The following NR3C2 variants were observed in gnomAD, a reference collection of about 807,000 sequenced individuals.
NR3C2 encodes mineralocorticoid receptor.
Under a neutral mutation model 86.4 loss-of-function variants are expected in NR3C2, and 15 were observed. That is an observed-to-expected ratio of 0.17 (90% CI 0.12 to 0.27). The LOEUF is 0.27. Ranked by LOEUF, NR3C2 falls within the 10% of genes least tolerant of loss-of-function variation. NR3C2 has a pLI of 1.00. For synonymous variants in NR3C2, 458 were observed against 450.5 expected (o/e 1.02, Z -0.21); for missense variants, 960 against 1,195.6 (o/e 0.80, Z 2.91).
At chr4:148,156,015 G>C (rs1172041093) in intron 4 of NR3C2, among the ~76,000 whole-genome samples, 1 of 152,092 alleles carries the variant, frequency 6.6e-6, no homozygotes, top group African/African-American at 2.4e-5. Flanking sequence ...ATGGGGAAAG[G>C]ATTCCCTATT....
chr4:148,408,370 C>T (rs1579262823), intron 2 of NR3C2, among the ~76,000 whole-genome samples: 1 of 152,158 alleles, frequency 6.6e-6, no homozygotes, highest in Non-Finnish European at 1.5e-5. Flanking sequence ...ACTAGATTTC[C>T]ATCCTCTATT....
chr4:148,279,457 G>A (rs1362503537), intron 2 of NR3C2, among the ~76,000 whole-genome samples: 3 of 152,088 alleles, frequency 2.0e-5, no homozygotes, highest in African/African-American at 4.8e-5. Flanking sequence ...TTTATGCCAG[G>A]CTTATGGAAA....
intron 2 of NR3C2, among the ~76,000 whole-genome samples, chr4:148,409,989 T>G (rs1038895980): frequency 6.6e-6 from 1 of 152,142 alleles, no homozygotes; most frequent in Non-Finnish European, 1.5e-5. Flanking sequence ...TCCTTTAAAC[T>G]GTGTTTTTTT....
At chr4:148,364,991 A>G (rs1187249509) in intron 2 of NR3C2, among the ~76,000 whole-genome samples, 3 of 152,176 alleles carry the variant, frequency 2.0e-5, no homozygotes, top group South Asian at 2.1e-4. Flanking sequence ...ACGTACACTA[A>G]GCCATTAGAA....
rs1307901284 is a variant in NR3C2, at chr4:148,401,078, A to G, written c.1757+34026T>C. On this transcript the variant is annotated intron_variant, in intron 2 of 8. Coordinates refer to ENST00000358102, the MANE Select transcript of NR3C2 (RefSeq NM_000901.5). ...CAGGTGCTGGTCAGATGTTTTACAC[A>G]TTACTTCATTTAATTCCCACAACAA... 2.0e-5 allele frequency among the ~76,000 whole-genome samples: 3 copies of G among 152,332 alleles called. No homozygotes were observed. In the East Asian group the frequency reaches 5.8e-4, roughly 29 times the overall value.
At chr4:148,204,431 G>T (rs754022531) in intron 3 of NR3C2, among the ~76,000 whole-genome samples, 2 of 152,158 alleles carry the variant, frequency 1.3e-5, no homozygotes, top group Non-Finnish European at 2.9e-5. Flanking sequence ...CCTATTATGT[G>T]ACAGGTGCTT....
intron 4 of NR3C2, among the ~76,000 whole-genome samples, chr4:148,187,737 TTTATA>T (rs1735996771): frequency 6.6e-6 from 1 of 152,200 alleles, no homozygotes; most frequent in East Asian, 1.9e-4. Flanking sequence ...GTCCCAACAA[TTTATA>T]TTTGTTTTTA....
At chr4:148,087,195 G>A (rs1182169335) in intron 8 of NR3C2, among the ~76,000 whole-genome samples, 1 of 151,996 alleles carries the variant, frequency 6.6e-6, no homozygotes, top group Non-Finnish European at 1.5e-5. Flanking sequence ...AAATAACTAG[G>A]AATACAACAT....
chr4:148,141,444 T>TCACACA (rs10650773), intron 6 of NR3C2, among the ~76,000 whole-genome samples: 13 of 149,976 alleles, frequency 8.7e-5, no homozygotes, highest in African/African-American at 2.7e-4. Flanking sequence ...TCTCCCTCTC[T>TCACACA]CTCACACACA....
At chr4:148,279,562 A>G (rs1741133605) in intron 2 of NR3C2, among the ~76,000 whole-genome samples, 1 of 152,262 alleles carries the variant, frequency 6.6e-6, no homozygotes, top group African/African-American at 2.4e-5. Flanking sequence ...AGTATCAACC[A>G]GAAAGATTCA....
At chr4:148,420,902 C>T (rs1267859021) in intron 2 of NR3C2, among the ~76,000 whole-genome samples, 3 of 152,182 alleles carry the variant, frequency 2.0e-5, no homozygotes, top group Non-Finnish European at 2.9e-5. Context: ...CTGCAAGTTT[C>T]CTGAGGCCTC....
chr4:148,092,828 G>A (rs10019500), intron 8 of NR3C2, among the ~76,000 whole-genome samples: 10 of 152,272 alleles, frequency 6.6e-5, no homozygotes, highest in South Asian at 2.1e-4. Flanking sequence ...CCCTGGGGTC[G>A]GAGTGGGGAG....
In NR3C2 at chr4:148,152,683, A is replaced by T; in HGVS notation, c.2366-70T>A. On this transcript the variant is annotated intron_variant, in intron 5 of 8. Transcript: ENST00000358102. Reference sequence around the variant, plus strand: ...AGTACATTCCAGGAAGATGCTTCTTAAGTCAACCCCAAACAGCCACCTTTC... The same window carrying T: ...AGTACATTCCAGGAAGATGCTTCTTTAGTCAACCCCAAACAGCCACCTTTC... The T allele has an allele frequency of 9.5e-6, 14 of 1,478,262 alleles. No individual in the cohort carries two copies. In the South Asian group the frequency reaches 1.6e-4, roughly 17 times the overall value. 91.6% of individuals were successfully genotyped at this position (1,478,262 alleles called of 1,614,324 possible).
intron 3 of NR3C2, among the ~76,000 whole-genome samples, chr4:148,235,519 G>C (rs1172702336): frequency 6.6e-6 from 1 of 152,086 alleles, no homozygotes; most frequent in African/African-American, 2.4e-5. Flanking sequence ...GAATTGTTCG[G>C]TGGACTTTTC....
intron 6 of NR3C2, among the ~76,000 whole-genome samples, chr4:148,140,654 A>G (rs529433939): frequency 6.6e-6 from 1 of 152,372 alleles, no homozygotes; most frequent in Non-Finnish European, 1.5e-5. Context: ...CAATATGCTA[A>G]TATTAGCCAC....
chr4:148,106,527 T>C (rs1249328618), intron 8 of NR3C2, among the ~76,000 whole-genome samples: 1 of 152,080 alleles, frequency 6.6e-6, no homozygotes, highest in African/African-American at 2.4e-5. Flanking sequence ...AAATTTCATA[T>C]GGAACCAAAA....
chr4:148,358,372 C>CA (rs1745660059), intron 2 of NR3C2, among the ~76,000 whole-genome samples: 1 of 148,400 alleles, frequency 6.7e-6, no homozygotes. Context: ...ATCGCAAGAA[C>CA]AAAAAACCAA....
chr4:148,093,158 T>G (rs1039097861), intron 8 of NR3C2, among the ~76,000 whole-genome samples: 11 of 152,174 alleles, frequency 7.2e-5, no homozygotes, highest in African/African-American at 2.7e-4. Flanking sequence ...GCTGTCAGGG[T>G]GGAAGAGGAG....
chr4:148,318,894 G>T (rs1462984251), intron 2 of NR3C2, among the ~76,000 whole-genome samples: 4 of 149,164 alleles, frequency 2.7e-5, no homozygotes, highest in Non-Finnish European at 6.0e-5. Flanking sequence ...GATCCCATTT[G>T]TCAATTTTGG....
Sources: gnomAD v4.1 joint callset for allele counts (sites outside exome capture counted in the v4.1 genomes callset) on GRCh38, gnomAD v4.1.1 for gene constraint, MANE v1.5 for transcripts, NCBI Gene and HGNC (gene_info 2026-07-23, HGNC 2026-07-21) for gene names.